MYT1: variants seen among roughly 807,000 people sequenced by gnomAD.
MYT1 encodes the protein myelin transcription factor 1, also known as myelin transcription factor I.
Under a neutral mutation model 123.0 loss-of-function variants are expected in MYT1, and 23 were observed. The ratio of observed to expected loss-of-function variants is 0.19; its 90% confidence interval spans 0.13 to 0.26. MYT1 has a LOEUF of 0.26. MYT1 is among the 10% of genes least tolerant of loss of function. The pLI, the probability that MYT1 is intolerant of heterozygous loss-of-function variation, is 1.00. For missense variants in MYT1, 1,125 were observed against 1,472.5 expected (o/e 0.76, Z 3.86); for synonymous variants, 518 against 575.3 (o/e 0.90, Z 1.43).
Position 64,168,444 on chromosome 20 carries a change from G to A in MYT1, c.-99+3705G>A, listed in dbSNP as rs1982147652. Among the ~76,000 whole-genome samples the A allele has an allele frequency of 6.6e-6, 1 of 152,230 alleles. No homozygotes were observed. Among genetic ancestry groups the A allele is most frequent in the South Asian group, 2.1e-4 (1 of 4,832 alleles). ...TACAATTTGCACTTAAAAATGCAATGTTATTTTAATCGGGAACGAAAGTAA... is the reference window on the plus strand; with the variant it reads ...TACAATTTGCACTTAAAAATGCAATATTATTTTAATCGGGAACGAAAGTAA... On this transcript the variant is annotated intron_variant, in intron 1 of 22. Coordinates refer to ENST00000328439, the MANE Select transcript of MYT1 (RefSeq NM_004535.3). The surrounding 1 kb of genome is among the most constrained non-coding windows in gnomAD (Gnocchi z 6.1).
At position 64,218,893 on chromosome 20, in the gene MYT1, C is replaced by T. The variant is rs1983915170; in HGVS notation, c.1847-18C>T. On this transcript the variant is annotated intron_variant, in intron 11 of 22. Transcript: ENST00000328439. This position sits in a 1 kb window ranked among gnomAD's most constrained non-coding sequence, Gnocchi z 4.0. ...CCCTCCAGTAGTTATGTGAGGAGCA[C>T]TTCATCCTCTTCTGCAGGCTTTGAC... The T allele has an allele frequency of 6.2e-7, 1 of 1,613,258 alleles. No individual in the cohort carries two copies. Among genetic ancestry groups the T allele is most frequent in the Admixed American group, 1.7e-5 (1 of 60,024 alleles).
At chr20:64,207,557 G>T (rs767377465) in intron 6 of MYT1, 37 bp from the exon 7 acceptor site, 2 of 1,589,014 alleles carry the variant, frequency 1.3e-6, no homozygotes, top group Non-Finnish European at 1.7e-6. Flanking sequence ...CTTCCCACGT[G>T]CTCTCTGGCC....
rs551840672 is a variant in MYT1 at position 64,230,061 on chromosome 20, A to G, written c.2675+2090A>G. ...CCCCACCGCCCCAGCACCTCTCAAC[A>G]TGATGTCCCTGACAGCTTGAAAGTC... On this transcript the variant is annotated intron_variant, in intron 18 of 22. Transcript: ENST00000328439. 3.9e-5 allele frequency among the ~76,000 whole-genome samples: 6 copies of G among 152,278 alleles called. No homozygotes were observed. In the East Asian group the frequency reaches 9.6e-4, roughly 24 times the overall value.
chr20:64,182,428 C>G (rs1471244184), intron 1 of MYT1, among the ~76,000 whole-genome samples: 1 of 152,226 alleles, frequency 6.6e-6, no homozygotes, highest in Non-Finnish European at 1.5e-5. Context: ...GCATGGATAG[C>G]TGTGGACACA....
rs1369890502 is a variant in MYT1 at position 64,193,216 on chromosome 20, C to T, written c.-1+3056C>T. 3.3e-5 allele frequency among the ~76,000 whole-genome samples: 5 copies of T among 152,124 alleles called. No individual in the cohort carries two copies. Among genetic ancestry groups the T allele is most frequent in the African/African-American group, 1.2e-4 (5 of 41,422 alleles). ...TACTGTGATGGCTGCCAGTGGGGAT[C>T]AGGGGTGAGGGCATATGGTTTAGCC... On this transcript the variant is annotated intron_variant, in intron 2 of 22. Transcript: ENST00000328439. The surrounding 1 kb of genome is among the most constrained non-coding windows in gnomAD (Gnocchi z 4.0).
chr20:64,181,511 C>G (rs978164900), intron 1 of MYT1, among the ~76,000 whole-genome samples: 1 of 152,180 alleles, frequency 6.6e-6, no homozygotes, highest in Non-Finnish European at 1.5e-5. Flanking sequence ...GGAGGATGGA[C>G]ACAATGGTAT....
chr20:64,173,190 G>A (rs1982337790), intron 1 of MYT1, among the ~76,000 whole-genome samples: 1 of 152,112 alleles, frequency 6.6e-6, no homozygotes, highest in Non-Finnish European at 1.5e-5. Flanking sequence ...TGGAAAAAGT[G>A]TCTCTGATGG....
At chr20:64,188,061 G>A (rs140056228) in intron 1 of MYT1, among the ~76,000 whole-genome samples, 116 of 152,328 alleles carry the variant, frequency 7.6e-4, no homozygotes, top group Non-Finnish European at 1.2e-3. Flanking sequence ...GACTGACCTA[G>A]GGACAGGAGT....
In MYT1 at chr20:64,212,210, GGT is replaced by G. The variant is rs1983694202; in HGVS notation, c.1517+74_1517+75del. The stretch of plus-strand genomic sequence containing the variant: ...TGGTGGGGGCCAGGGTGGGGGCCGT[GGT>G]GGGGGCCAGGGTGGGGGCCGTGGTG... On this transcript the variant is annotated intron_variant, in intron 9 of 22. Coordinates refer to ENST00000328439, the MANE Select transcript of MYT1 (RefSeq NM_004535.3). This position sits in a 1 kb window ranked among gnomAD's most constrained non-coding sequence, Gnocchi z 6.8. 4.1e-6 allele frequency: 1 copy of G among 243,574 alleles called. No individual in the cohort carries two copies. The highest frequency in any genetic ancestry group is 1.0e-4 in the African/African-American group (1 of 9,592). The allele number at this position is 243,574 out of a possible 1,614,324, so 15.1% of individuals were successfully genotyped here.
chr20:64,170,880 TATATAGAGAGAGAGAG>T (rs1255405821), intron 1 of MYT1, among the ~76,000 whole-genome samples: 10 of 49,152 alleles, frequency 2.0e-4, no homozygotes, highest in East Asian at 1.5e-3. Flanking sequence ...TATATATATA[TATATAGAGAGAGAGAG>T]AGAGAGAGAG....
At chr20:64,195,041 G>A (rs930341918) in intron 2 of MYT1, among the ~76,000 whole-genome samples, 2 of 151,888 alleles carry the variant, frequency 1.3e-5, no homozygotes, top group East Asian at 1.9e-4. Flanking sequence ...GACTACAGGC[G>A]GCCGCCACCA....
chr20:64,215,897 A>G (rs1313502576), intron 10 of MYT1, among the ~76,000 whole-genome samples: 1 of 152,004 alleles, frequency 6.6e-6, no homozygotes, highest in Non-Finnish European at 1.5e-5. Flanking sequence ...ACCTGACCCA[A>G]TGTTAAGTTT....
rs975334974 is a variant in MYT1 at position 64,212,607 on chromosome 20, G to A, written c.1517+469G>A. Among the ~76,000 whole-genome samples the A allele has an allele frequency of 5.9e-5, 9 of 152,158 alleles. No homozygotes were observed. The highest frequency in any genetic ancestry group is 2.0e-4 in the Admixed American group (3 of 15,278). On this transcript the variant is annotated intron_variant, in intron 9 of 22. Coordinates refer to ENST00000328439, the MANE Select transcript of MYT1 (RefSeq NM_004535.3). This position sits in a 1 kb window ranked among gnomAD's most constrained non-coding sequence, Gnocchi z 6.8. ...TGTGAGAGCCAGGTGAATACTTTGT[G>A]TCCTACCCACATTCAGAAAACCTCT...
At position 64,218,669 on chromosome 20, in the gene MYT1, GACT is replaced by G. The variant is rs1983907214; in HGVS notation, c.1847-241_1847-239del. On this transcript the variant is annotated intron_variant, in intron 11 of 22. Transcript: ENST00000328439. This position sits in a 1 kb window ranked among gnomAD's most constrained non-coding sequence, Gnocchi z 4.0. ...GGTGGGTGGGAGTGAGGTGTGTGAG[GACT>G]TGGGACTGGGACGGGTGGCCAAGCC... Among the ~76,000 whole-genome samples, 1 of 152,168 alleles carries G rather than the reference GACT, an allele frequency of 6.6e-6. No individual in the cohort carries two copies. Among genetic ancestry groups the G allele is most frequent in the South Asian group, 2.1e-4 (1 of 4,826 alleles).
chr20:64,176,711 G>A (rs561581057), intron 1 of MYT1, among the ~76,000 whole-genome samples: 7 of 152,328 alleles, frequency 4.6e-5, no homozygotes, highest in African/African-American at 1.4e-4. Context: ...CCTGGGTTCC[G>A]GGCACCCGGC....
Position 64,223,366 on chromosome 20 carries a change from T to A in MYT1, c.2528+7T>A. ...CCCACTCTGCTGACCTCAAGTATGT[T>A]TGCGCTCCCTGACCTCCTGTCTCTT... On this transcript the variant is annotated splice_region_variant and intron_variant, in intron 16 of 22. Coordinates refer to ENST00000328439, the MANE Select transcript of MYT1 (RefSeq NM_004535.3). 6.2e-7 allele frequency: 1 copy of A among 1,613,962 alleles called. No individual in the cohort carries two copies. The highest frequency in any genetic ancestry group is 8.5e-7 in the Non-Finnish European group (1 of 1,179,930).
At position 64,217,280 on chromosome 20, in the gene MYT1, A is replaced by G; in HGVS notation, c.1845A>G (p.Gln615=). The G allele has an allele frequency of 1.2e-6, 2 of 1,614,102 alleles. No homozygotes were observed. Among genetic ancestry groups the G allele is most frequent in the East Asian group, 2.2e-5 (1 of 44,880 alleles). The change falls in exon 11 of 23, where the codon CAA becomes CAG. Residue 615 remains glutamine (Q), a splice_region_variant and synonymous_variant. Transcript: ENST00000328439. ...GCGAAACCTCACCTAAAGCCTTTCA[A>G]TGTAAGTTGGGGAGAATTGTTCTTG... ...QTSETSPKAF[Q]CFDYSQDAEA...
intron 2 of MYT1, among the ~76,000 whole-genome samples, chr20:64,195,199 G>A (rs558861758): frequency 7.2e-5 from 11 of 152,012 alleles, no homozygotes; most frequent in South Asian, 4.2e-4. Context: ...CAGCCTCAGC[G>A]CAGATCCCTC....
chr20:64,236,024 C>T (rs1601726819), intron 19 of MYT1, among the ~76,000 whole-genome samples: 1 of 109,440 alleles, frequency 9.1e-6, no homozygotes, highest in Non-Finnish European at 1.8e-5. Flanking sequence ...CCTGGGCTGG[C>T]CGCGGTGGGT....
Sources: allele counts gnomAD v4.1 joint callset (sites outside exome capture counted in the v4.1 genomes callset), GRCh38; gene constraint gnomAD v4.1.1; non-coding constraint Gnocchi (gnomAD v3.1); transcripts MANE v1.5; gene names NCBI Gene and HGNC (gene_info 2026-07-23, HGNC 2026-07-21).